The following SULF1 variants were observed in gnomAD, a reference collection of about 807,000 sequenced individuals.
SULF1 encodes extracellular sulfatase Sulf-1.
In SULF1, 46 loss-of-function variants were observed where a neutral mutation model predicts 110.5. The ratio of observed to expected loss-of-function variants is 0.42; its 90% CI spans 0.33 to 0.53. The LOEUF (loss-of-function observed/expected upper bound fraction) is 0.53. SULF1 is among the 20% of genes least tolerant of loss of function. The probability of loss-of-function intolerance (pLI) is 0.12; values close to 1 mark genes in which losing one functional copy is unlikely to be tolerated. For synonymous variants in SULF1, 371 were observed against 387.1 expected (o/e 0.96, Z 0.49); for missense variants, 941 against 1,094.2 (o/e 0.86, Z 1.98).
intron 6 of SULF1, among the ~76,000 whole-genome samples, chr8:69,582,350 G>A (rs984088384): frequency 1.3e-5 from 2 of 152,150 alleles, no homozygotes; most frequent in Non-Finnish European, 2.9e-5. Context: ...TACACTGCAG[G>A]ATGGAAAATC....
At chr8:69,504,771 T>C (rs1811067009) in intron 3 of SULF1, among the ~76,000 whole-genome samples, 1 of 152,178 alleles carries the variant, frequency 6.6e-6, no homozygotes, top group South Asian at 2.1e-4. Context: ...GGATTTGAGC[T>C]GAATTAGATA....
chr8:69,653,807 A>G (rs1185995342), intron 22 of SULF1, among the ~76,000 whole-genome samples: 1 of 152,160 alleles, frequency 6.6e-6, no homozygotes, highest in East Asian at 1.9e-4. Context: ...AGACACTCTT[A>G]TCTCCCTGGA....
intron 5 of SULF1, among the ~76,000 whole-genome samples, chr8:69,565,750 C>T (rs552729461): frequency 6.6e-6 from 1 of 152,270 alleles, no homozygotes; most frequent in South Asian, 2.1e-4. Flanking sequence ...AGATTATGCC[C>T]TTCTCCTCTG....
intron 19 of SULF1, among the ~76,000 whole-genome samples, chr8:69,630,333 A>G (rs1266203364): frequency 6.6e-6 from 1 of 152,218 alleles, no homozygotes; most frequent in Non-Finnish European, 1.5e-5. Flanking sequence ...CTTATAGTAC[A>G]TCCTCTGATT....
chr8:69,504,341 G>C (rs961459552), intron 3 of SULF1, among the ~76,000 whole-genome samples: 1 of 151,984 alleles, frequency 6.6e-6, no homozygotes, highest in Admixed American at 6.5e-5. Context: ...ATCACCTGAG[G>C]TCAGGAGTTC....
At chr8:69,481,203 T>C (rs924875154) in intron 1 of SULF1, among the ~76,000 whole-genome samples, 2 of 152,152 alleles carry the variant, frequency 1.3e-5, no homozygotes, top group African/African-American at 4.8e-5. Flanking sequence ...AGGTTATTGG[T>C]CATATTTCAA....
chr8:69,554,123 A>G (rs544624597), intron 3 of SULF1, among the ~76,000 whole-genome samples: 2 of 152,326 alleles, frequency 1.3e-5, no homozygotes, highest in South Asian at 4.1e-4. Context: ...GTTTAATTAT[A>G]TCAGCTCCTT....
chr8:69,521,524 T>C (rs569803683), intron 3 of SULF1, among the ~76,000 whole-genome samples: 4 of 152,160 alleles, frequency 2.6e-5, no homozygotes, highest in Non-Finnish European at 2.9e-5. Flanking sequence ...TGACGAAGAA[T>C]GTTCTAGACA....
At chr8:69,490,583 C>T (rs1382741964), upstream of SULF1, among the ~76,000 whole-genome samples, 1 of 152,166 alleles carries the variant, frequency 6.6e-6, no homozygotes, top group Non-Finnish European at 1.5e-5. Flanking sequence ...GTCCCCTTCC[C>T]ACACACTGCC....
chr8:69,520,402 T>C (rs1334480411), intron 3 of SULF1, among the ~76,000 whole-genome samples: 1 of 152,156 alleles, frequency 6.6e-6, no homozygotes, highest in Non-Finnish European at 1.5e-5. Flanking sequence ...GCAAGTCACC[T>C]TTTCATCTTT....
chr8:69,557,523 CT>C (rs1815192431), intron 3 of SULF1, among the ~76,000 whole-genome samples: 1 of 152,192 alleles, frequency 6.6e-6, no homozygotes, highest in Non-Finnish European at 1.5e-5. Flanking sequence ...CCTTCTCACT[CT>C]TCAACCCTCA....
intron 13 of SULF1, among the ~76,000 whole-genome samples, chr8:69,613,662 A>C (rs1455942549): frequency 3.9e-5 from 6 of 152,182 alleles, no homozygotes; most frequent in Admixed American, 3.3e-4. Context: ...ACCTGAGTTC[A>C]AACCAAGATC....
At chr8:69,531,696 C>T (rs1475278825) in intron 3 of SULF1, among the ~76,000 whole-genome samples, 1 of 152,168 alleles carries the variant, frequency 6.6e-6, no homozygotes, top group Non-Finnish European at 1.5e-5. Flanking sequence ...TAACCTGTGT[C>T]TTCACTTAAT....
intron 3 of SULF1, among the ~76,000 whole-genome samples, chr8:69,557,458 G>C (rs1364598701): frequency 6.6e-6 from 1 of 152,048 alleles, no homozygotes; most frequent in Non-Finnish European, 1.5e-5. Context: ...TTTTTATATG[G>C]TTTTAGTACC....
chr8:69,518,673 C>T (rs918553111), intron 3 of SULF1, among the ~76,000 whole-genome samples: 1 of 152,064 alleles, frequency 6.6e-6, no homozygotes, highest in African/African-American at 2.4e-5. Flanking sequence ...AAGGTTTCTG[C>T]TTATGTGTGT....
At chr8:69,551,748 A>G (rs1314418187) in intron 3 of SULF1, among the ~76,000 whole-genome samples, 2 of 152,110 alleles carry the variant, frequency 1.3e-5, no homozygotes, top group African/African-American at 4.8e-5. Flanking sequence ...TGATCGCTGT[A>G]CTCTAGACCA....
intron 2 of SULF1, among the ~76,000 whole-genome samples, chr8:69,501,003 A>G (rs1023525924): frequency 6.6e-6 from 1 of 152,164 alleles, no homozygotes; most frequent in Non-Finnish European, 1.5e-5. Flanking sequence ...AAGAGATTCC[A>G]GGCCTATGGA....
At chr8:69,515,412 G>C (rs1811861904) in intron 3 of SULF1, among the ~76,000 whole-genome samples, 1 of 152,152 alleles carries the variant, frequency 6.6e-6, no homozygotes, top group South Asian at 2.1e-4. Context: ...GGGGTGCCAT[G>C]TCCCAGGGCT....
chr8:69,606,881 G>A (rs1808254381), intron 13 of SULF1, among the ~76,000 whole-genome samples: 1 of 152,202 alleles, frequency 6.6e-6, no homozygotes, highest in Non-Finnish European at 1.5e-5. Context: ...GTCAGCAATG[G>A]TCTCTTTTAG....
Sources: allele counts gnomAD v4.1 joint callset (sites outside exome capture counted in the v4.1 genomes callset), GRCh38; gene constraint gnomAD v4.1.1; transcripts MANE v1.5; gene names NCBI Gene and HGNC (gene_info 2026-07-23, HGNC 2026-07-21).